Variants in NUP58 observed in about 807,000 individuals in gnomAD.
The protein encoded by NUP58 is nucleoporin p58/p45.
A neutral mutation model predicts 70.1 loss-of-function variants in NUP58; 17 were observed. The observed-to-expected ratio is 0.24, with a 90% CI of 0.17 to 0.36. The LOEUF is 0.36. Among genes scored for constraint, NUP58 ranks in the 10% least tolerant of loss-of-function variants. The pLI is 1.00. For synonymous variants in NUP58, 275 were observed against 257.6 expected, an observed-to-expected ratio of 1.07 and a Z score of -0.65; for missense variants, 644 against 701.5, an observed-to-expected ratio of 0.92 and a Z score of 0.93.
chr13:25,329,709 C>T (rs1214179658), intron 12 of NUP58, among the ~76,000 whole-genome samples: 3 of 152,156 alleles, frequency 2.0e-5, no homozygotes, highest in Admixed American at 1.3e-4. Context: ...TCTGTTGAAA[C>T]AGGCGTTAAC....
chr13:25,332,047 G>A (rs2031626339), intron 13 of NUP58: 6 of 1,006,148 alleles, frequency 6.0e-6, no homozygotes, highest in Admixed American at 5.2e-5. Flanking sequence ...GTATGTTGAA[G>A]ATCAATAGGC....
At chr13:25,332,253 G>A (rs1438441982) in intron 13 of NUP58, 1 of 985,366 alleles carries the variant, frequency 1.0e-6, no homozygotes, top group Non-Finnish European at 1.2e-6. Context: ...GACATGGAAA[G>A]CAGATTGTTT....
intron 3 of NUP58, among the ~76,000 whole-genome samples, chr13:25,311,292 A>G (rs1246158635): frequency 6.6e-6 from 1 of 152,192 alleles, no homozygotes; most frequent in African/African-American, 2.4e-5. Flanking sequence ...ACTCTATTTT[A>G]AAGACAATCT....
At position 25,306,496 on chromosome 13, in the gene NUP58, T is replaced by G. The variant is rs571792940; in HGVS notation, c.108-1310T>G. 5.9e-5 allele frequency among the ~76,000 whole-genome samples: 9 copies of G among 151,896 alleles called. No individual in the cohort carries two copies. In the South Asian group the frequency reaches 1.9e-3, roughly 32 times the overall value. On this transcript the variant is annotated intron_variant, in intron 1 of 15. Transcript: ENST00000381736. ...GAAAGGTTAAGTAATGGCACACAAG[T>G]ACCAGAACATGGGGGGATTGGTACT... is the stretch of plus-strand genomic sequence containing the variant.
chr13:25,331,951 GA>G (rs2031623154), intron 13 of NUP58: 1 of 1,052,276 alleles, frequency 9.5e-7, no homozygotes, highest in Non-Finnish European at 1.2e-6. Context: ...ATATGATACT[GA>G]TAGGTGGTGC....
At position 25,301,742 on chromosome 13, in the gene NUP58, G is replaced by C. The variant is rs926753765; in HGVS notation, c.-32G>C. On this transcript the variant is annotated 5_prime_UTR_variant, in exon 1 of 16. Transcript: ENST00000381736. ...GAGAGAAGTGTCCCAGACCCATTTC[G>C]CCTTGCTGACGGCGTCGAGCCCTGG... The C allele has an allele frequency of 6.3e-6, 9 of 1,423,946 alleles. No individual in the cohort carries two copies. In the African/African-American group the frequency reaches 7.1e-5, roughly 11 times the overall value. 88.2% of individuals were successfully genotyped at this position (1,423,946 alleles called of 1,614,324 possible).
chr13:25,312,380 T>C (rs1178148473), intron 3 of NUP58, among the ~76,000 whole-genome samples: 1 of 152,216 alleles, frequency 6.6e-6, no homozygotes, highest in Admixed American at 6.5e-5. Flanking sequence ...GTTTTTTTAT[T>C]TTTTGAGACA....
At chr13:25,332,084 C>T (rs2031627399) in intron 13 of NUP58, 1 of 995,380 alleles carries the variant, frequency 1.0e-6, no homozygotes, top group Non-Finnish European at 1.2e-6. Context: ...TGACTGTAAA[C>T]AGAATACAAG....
At chr13:25,327,067 C>A in intron 11 of NUP58, 33 bp downstream of exon 11, 1 of 1,288,466 alleles carries the variant, frequency 7.8e-7, no homozygotes, top group Non-Finnish European at 1.1e-6. Context: ...TTTTTTTGAA[C>A]TTTTGTTTGT....
chr13:25,345,116 T>A (rs2032032821), downstream of NUP58, among the ~76,000 whole-genome samples: 1 of 152,196 alleles, frequency 6.6e-6, no homozygotes. Context: ...TTTTATATAC[T>A]TGACCATGTT....
At chr13:25,337,769 G>T (rs2031835418) in intron 14 of NUP58, among the ~76,000 whole-genome samples, 1 of 152,022 alleles carries the variant, frequency 6.6e-6, no homozygotes, top group Non-Finnish European at 1.5e-5. Flanking sequence ...TCTAAATTAG[G>T]AATTATTAGA....
chr13:25,307,935 A>G lies in NUP58; in HGVS notation c.237A>G (p.Gly79=), dbSNP rs2030455902. Residue 79 remains glycine (G), a synonymous_variant, in exon 2 of 16, where the codon GGA becomes GGG. Coordinates refer to ENST00000381736, the MANE Select transcript of NUP58 (RefSeq NM_014089.4). ...GSKPATGFTL[G]GTNTGIATTI... The stretch of plus-strand genomic sequence containing the variant: ...AACCTGCCACTGGGTTCACTCTAGG[A>G]GGAACAAATACAGGTGAGGAGGATC... The G allele has an allele frequency of 1.2e-6, 2 of 1,613,972 alleles. No individual in the cohort carries two copies. Among genetic ancestry groups the G allele is most frequent in the Non-Finnish European group, 1.7e-6 (2 of 1,179,982 alleles).
At chr13:25,323,941 A>C (rs547067049) in intron 9 of NUP58, among the ~76,000 whole-genome samples, 44 of 152,314 alleles carry the variant, frequency 2.9e-4, no homozygotes, top group South Asian at 1.2e-3. Flanking sequence ...AGGGGCACAG[A>C]GGCCTCAAGT....
chr13:25,327,633 G>T, intron 12 of NUP58, 121 bp downstream of exon 12: 397 of 564,430 alleles, frequency 7.0e-4, no homozygotes, highest in Middle Eastern at 1.4e-3. Flanking sequence ...GTGAAAAGAT[G>T]AAAACTACTA....
At chr13:25,302,828 T>C in intron 1 of NUP58, 1 of 386,970 alleles carries the variant, frequency 2.6e-6, no homozygotes, top group East Asian at 7.2e-5. Flanking sequence ...ATTCAGAAAT[T>C]TGAATTTTCA....
chr13:25,345,002 G>C (rs1164107406), downstream of NUP58, among the ~76,000 whole-genome samples: 3 of 152,110 alleles, frequency 2.0e-5, no homozygotes, highest in Non-Finnish European at 4.4e-5. Context: ...GGGAAGTCTT[G>C]AGTTGGCATA....
chr13:25,331,743 C>T (rs2031613723), intron 13 of NUP58, 185 bp downstream of exon 13: 1 of 1,418,194 alleles, frequency 7.1e-7, no homozygotes, highest in Non-Finnish European at 9.2e-7. Context: ...GTAGTCTTAG[C>T]AATAATTATA....
In NUP58 at chr13:25,338,671, A is replaced by G; in HGVS notation, c.1570A>G (p.Thr524Ala). The change falls in exon 15 of 16, where the codon ACA becomes GCA. Residue 524 changes from threonine to alanine, a missense_variant. This residue lies in a region of NUP58 where 132 missense variants were observed against 203.9 expected (regional missense o/e 0.65). Coordinates refer to ENST00000381736, the MANE Select transcript of NUP58 (RefSeq NM_014089.4). ...GTSSGFGCST[T>A]GASTFGFGTT... ...TAGCTCTGGTTTTGGATGCAGCACC[A>G]CAGGGGCCTCCACATTTGGATTTGG... The G allele has an allele frequency of 6.2e-7, 1 of 1,613,870 alleles. No homozygotes were observed. The highest frequency in any genetic ancestry group is 1.1e-5 in the South Asian group (1 of 91,082).
chr13:25,308,475 T>TC (rs1347153167), intron 2 of NUP58, among the ~76,000 whole-genome samples: 2 of 151,026 alleles, frequency 1.3e-5, no homozygotes, highest in African/African-American at 4.9e-5. Flanking sequence ...GCTAATTTTT[T>TC]TTTTTTTTTT....
Sources: allele counts gnomAD v4.1 joint callset (sites outside exome capture counted in the v4.1 genomes callset), GRCh38; gene constraint gnomAD v4.1.1; regional missense constraint gnomAD v4.1.1; transcripts MANE v1.5; gene names NCBI Gene and HGNC (gene_info 2026-07-23, HGNC 2026-07-21).